Variants in CYP2C19 observed in about 807,000 individuals in gnomAD.
CYP2C19 encodes the protein cytochrome P450 family 2 subfamily C member 19.
A neutral mutation model predicts 40.9 loss-of-function variants in CYP2C19; 59 were observed. That is an observed-to-expected ratio of 1.44 (90% CI 1.17 to 1.79). The LOEUF is 1.79. CYP2C19 is among the 40% of genes most tolerant of loss of function. CYP2C19 has a pLI of 0.00. For missense variants in CYP2C19, 754 were observed against 596.9 expected (o/e 1.26, Z -2.74); for synonymous variants, 253 against 208.7 (o/e 1.21, Z -1.83).
intron 1 of CYP2C19, among the ~76,000 whole-genome samples, chr10:94,773,369 T>C (rs1029455804): frequency 6.6e-6 from 1 of 152,162 alleles, no homozygotes; most frequent in African/African-American, 2.4e-5. Context: ...TGGCCAGAGT[T>C]TCTTCCTTCT....
intron 5 of CYP2C19, among the ~76,000 whole-genome samples, chr10:94,804,462 T>G (rs1182494147): frequency 6.6e-6 from 1 of 152,218 alleles, no homozygotes; most frequent in African/African-American, 2.4e-5. Flanking sequence ...CTTTTTATGC[T>G]CCCATATTAA....
At position 94,818,044 on chromosome 10, in the gene CYP2C19, T is replaced by C. The variant is rs1404295883; in HGVS notation, c.820-2452T>C. On this transcript the variant is annotated intron_variant, in intron 5 of 8. Coordinates refer to ENST00000371321, the MANE Select transcript of CYP2C19 (RefSeq NM_000769.4). ...AAAAAAAAAAAAAAAAAATCTTTAATCCATCTTGAATTGATTTTTGTATAA... is the reference window on the plus strand; with the variant it reads ...AAAAAAAAAAAAAAAAAATCTTTAACCCATCTTGAATTGATTTTTGTATAA... Among the ~76,000 whole-genome samples, 6 of 148,610 alleles carry C rather than the reference T, an allele frequency of 4.0e-5. No homozygotes were observed. The South Asian group carries it at 1.3e-3, about 32-fold the overall frequency.
At chr10:94,843,368 T>C (rs1230866079) in intron 7 of CYP2C19, among the ~76,000 whole-genome samples, 1 of 152,256 alleles carries the variant, frequency 6.6e-6, no homozygotes, top group Non-Finnish European at 1.5e-5. Flanking sequence ...TAGGTCAGTT[T>C]GGAAAGAACT....
chr10:94,842,185 A>G (rs1291216664), intron 6 of CYP2C19, among the ~76,000 whole-genome samples: 1 of 152,134 alleles, frequency 6.6e-6, no homozygotes, highest in Non-Finnish European at 1.5e-5. Flanking sequence ...TTGGTTGCAT[A>G]TATACTTAAA....
At chr10:94,822,298 A>T (rs1019900004) in intron 6 of CYP2C19, among the ~76,000 whole-genome samples, 1 of 152,148 alleles carries the variant, frequency 6.6e-6, no homozygotes, top group African/African-American at 2.4e-5. Context: ...AGACTTATTT[A>T]CTATCACAAG....
In CYP2C19 at chr10:94,840,217, A is replaced by AATGGGGC. The variant is rs1200820552; in HGVS notation, c.962-2618_962-2612dup. 7.9e-5 allele frequency among the ~76,000 whole-genome samples: 12 copies of AATGGGGC among 151,600 alleles called. No individual in the cohort carries two copies. In the East Asian group the frequency reaches 2.3e-3, roughly 30 times the overall value. Reference sequence around the variant, plus strand: ...TTAAATTTACCCTGGCTTTTAAAGGAATGGGGCACACTTTTTTTTTTTTTA... The same window carrying AATGGGGC: ...TTAAATTTACCCTGGCTTTTAAAGGAATGGGGCATGGGGCACACTTTTTTTTTTTTTA... On this transcript the variant is annotated intron_variant, in intron 6 of 8. Transcript: ENST00000371321.
chr10:94,849,170 T>C (rs1589379144), intron 7 of CYP2C19, among the ~76,000 whole-genome samples: 1 of 151,898 alleles, frequency 6.6e-6, no homozygotes, highest in East Asian at 1.9e-4. Context: ...AGTCATAGTC[T>C]ACACATAAGA....
intron 6 of CYP2C19, among the ~76,000 whole-genome samples, chr10:94,830,576 A>C (rs2134277598): frequency 6.6e-6 from 1 of 152,212 alleles, no homozygotes; most frequent in Admixed American, 6.5e-5. Flanking sequence ...AGTGAGATGA[A>C]CCGGGTACCT....
intron 5 of CYP2C19, among the ~76,000 whole-genome samples, chr10:94,806,193 T>A (rs1848833423): frequency 6.6e-6 from 1 of 152,180 alleles, no homozygotes; most frequent in African/African-American, 2.4e-5. Flanking sequence ...TGCCTAATGT[T>A]ATGTTCTCAG....
intron 6 of CYP2C19, among the ~76,000 whole-genome samples, chr10:94,827,844 A>G (rs1026810341): frequency 2.0e-5 from 3 of 151,988 alleles, no homozygotes; most frequent in Non-Finnish European, 2.9e-5. Flanking sequence ...AATGCATCCC[A>G]GAGATTCTGG....
rs550698782 is a variant in CYP2C19, at chr10:94,830,552, G to C, written c.961+9915G>C. 5.9e-5 allele frequency among the ~76,000 whole-genome samples: 9 copies of C among 152,260 alleles called. No individual in the cohort carries two copies. In the East Asian group the frequency reaches 1.5e-3, roughly 26 times the overall value. ...ACGCACCCACTGACCTGCGCCCACTGTCTGGCACTCCCTAGTGAGATGAAC... is the reference window on the plus strand; with the variant it reads ...ACGCACCCACTGACCTGCGCCCACTCTCTGGCACTCCCTAGTGAGATGAAC... On this transcript the variant is annotated intron_variant, in intron 6 of 8. Transcript: ENST00000371321.
chr10:94,776,376 T>G (rs1289251675), intron 3 of CYP2C19: 1 of 152,200 alleles, frequency 6.6e-6, no homozygotes, highest in African/African-American at 2.4e-5. Context: ...TTTATGGTAA[T>G]TATTATTTTC....
intron 5 of CYP2C19, among the ~76,000 whole-genome samples, chr10:94,814,616 T>A (rs1192665646): frequency 6.6e-6 from 1 of 151,668 alleles, no homozygotes; most frequent in African/African-American, 2.4e-5. Flanking sequence ...GTTGTAGAAG[T>A]TTGCAGCAGT....
chr10:94,855,366 T>G lies in CYP2C19; in HGVS notation c.*2452T>G, dbSNP rs1442937318. ...AGAGCCAACAATTGGACAAGGGCAA[T>G]CTGACTGGAAAGTAGAAGTTGCTAA... On this transcript the variant is annotated 3_prime_UTR_variant, in exon 9 of 9. Coordinates refer to ENST00000371321, the MANE Select transcript of CYP2C19 (RefSeq NM_000769.4). 1.3e-5 allele frequency among the ~76,000 whole-genome samples: 2 copies of G among 152,238 alleles called. No homozygotes were observed. The highest frequency in any genetic ancestry group is 4.8e-5 in the African/African-American group (2 of 41,464).
intron 5 of CYP2C19, among the ~76,000 whole-genome samples, chr10:94,792,663 A>C (rs552409083): frequency 3.9e-5 from 6 of 152,166 alleles, no homozygotes; most frequent in Non-Finnish European, 8.8e-5. Context: ...CTTTTCTTTA[A>C]GAATGTTGAA....
At chr10:94,803,102 T>C (rs1445682072) in intron 5 of CYP2C19, among the ~76,000 whole-genome samples, 1 of 152,208 alleles carries the variant, frequency 6.6e-6, no homozygotes, top group Non-Finnish European at 1.5e-5. Flanking sequence ...GGAGTTAGTG[T>C]GGTCTTTTGG....
chr10:94,817,254 T>G (rs1479862991), intron 5 of CYP2C19, among the ~76,000 whole-genome samples: 1 of 149,202 alleles, frequency 6.7e-6, no homozygotes, highest in Non-Finnish European at 1.5e-5. Context: ...TTTCCTGACT[T>G]TTTAATGATT....
chr10:94,820,402 G>C, intron 5 of CYP2C19, 94 bp from the exon 6 acceptor site: 2 of 1,402,142 alleles, frequency 1.4e-6, no homozygotes, highest in Admixed American at 3.5e-5. Context: ...CAGTTTCTAT[G>C]TTGGTAAGTA....
intron 3 of CYP2C19, among the ~76,000 whole-genome samples, chr10:94,779,936 ACTAAT>A (rs1477300522): frequency 1.3e-5 from 2 of 152,114 alleles, no homozygotes; most frequent in African/African-American, 2.4e-5. Flanking sequence ...TTTTTGACAA[ACTAAT>A]CTATGTTAGA....
Sources: gnomAD v4.1 joint callset for allele counts (sites outside exome capture counted in the v4.1 genomes callset) on GRCh38, gnomAD v4.1.1 for gene constraint, MANE v1.5 for transcripts, NCBI Gene and HGNC (gene_info 2026-07-23, HGNC 2026-07-21) for gene names.